The following METTL25 variants were observed in gnomAD, a reference collection of about 807,000 sequenced individuals.
METTL25 encodes the protein methyltransferase like 25, also known as probable methyltransferase-like protein 25.
In METTL25, 64 loss-of-function variants were observed where a neutral mutation model predicts 71.6. That is an observed-to-expected ratio of 0.89 (90% CI 0.73 to 1.10). The LOEUF (loss-of-function observed/expected upper bound fraction) is 1.10, where lower values mean the gene tolerates loss of function less well. METTL25 is among the 50% of genes least tolerant of loss of function. METTL25 has a pLI of 0.00. For synonymous variants in METTL25, 287 were observed against 250.3 expected, an observed-to-expected ratio of 1.15 and a Z score of -1.38; for missense variants, 807 against 707.0, an observed-to-expected ratio of 1.14 and a Z score of -1.60.
intron 2 of METTL25, among the ~76,000 whole-genome samples, chr12:82,387,731 A>ACT (rs1491058723): frequency 6.7e-6 from 1 of 150,056 alleles, no homozygotes; most frequent in Non-Finnish European, 1.5e-5. Flanking sequence ...ACACACACAC[A>ACT]CTCTTTTTCT....
chr12:82,451,463 C>T (rs1329170964), intron 8 of METTL25, among the ~76,000 whole-genome samples: 1 of 152,062 alleles, frequency 6.6e-6, no homozygotes, highest in Non-Finnish European at 1.5e-5. Context: ...CAGTACCTAC[C>T]TCAAAAGGGT....
At chr12:82,385,142 G>T (rs1884853099) in intron 1 of METTL25, among the ~76,000 whole-genome samples, 2 of 152,032 alleles carry the variant, frequency 1.3e-5, no homozygotes, top group Non-Finnish European at 2.9e-5. Flanking sequence ...GAAATGGAAG[G>T]TATATATATC....
intron 6 of METTL25, among the ~76,000 whole-genome samples, chr12:82,431,965 T>C (rs1278518538): frequency 6.6e-6 from 1 of 151,706 alleles, no homozygotes; most frequent in Non-Finnish European, 1.5e-5. Flanking sequence ...TGTATGAGTA[T>C]TCAAATTATA....
chr12:82,402,869 C>T (rs1886757308), intron 4 of METTL25, 114 bp from the exon 5 acceptor site: 1 of 694,184 alleles, frequency 1.4e-6, no homozygotes, highest in Non-Finnish European at 2.3e-6. Flanking sequence ...TGTGAATAGC[C>T]ACCACAGTGC....
intron 1 of METTL25, among the ~76,000 whole-genome samples, chr12:82,364,198 G>T (rs568006921): frequency 6.6e-6 from 1 of 152,332 alleles, no homozygotes; most frequent in South Asian, 2.1e-4. Flanking sequence ...CAAGAAGTTG[G>T]CTGGGGCTGT....
At position 82,358,595 on chromosome 12, in the gene METTL25, C is replaced by T; in HGVS notation, c.30C>T (p.Thr10=). MAASCPLPV[T]PDLPTLRAKL... The stretch of plus-strand genomic sequence containing the variant: ...CGGCTTCTTGCCCTCTCCCGGTGAC[C>T]CCGGACCTGCCCACGCTGCGTGCCA... Residue 10 remains threonine (T), a synonymous_variant, in exon 1 of 12, where the codon ACC becomes ACT. Transcript: ENST00000248306. The T allele has an allele frequency of 1.9e-6, 3 of 1,612,958 alleles. No homozygotes were observed. The highest frequency in any genetic ancestry group is 1.7e-5 in the Admixed American group (1 of 60,028).
At chr12:82,424,010 A>G (rs1888756191) in intron 5 of METTL25, among the ~76,000 whole-genome samples, 1 of 152,196 alleles carries the variant, frequency 6.6e-6, no homozygotes, top group Non-Finnish European at 1.5e-5. Context: ...TAGAAATACC[A>G]TTTGACCCAG....
intron 3 of METTL25, 75 bp from the exon 4 acceptor site, chr12:82,398,720 C>A (rs1886303723): frequency 9.6e-7 from 1 of 1,040,550 alleles, no homozygotes; most frequent in Non-Finnish European, 1.3e-6. Flanking sequence ...CATTTGTTTA[C>A]TTCAAAAAAT....
Position 82,458,789 on chromosome 12 carries a change from C to T in METTL25, c.1572+1969C>T, listed in dbSNP as rs553888089. On this transcript the variant is annotated intron_variant, in intron 9 of 11. Transcript: ENST00000248306. ...GCTAGTGTTTTGTCAGAGCCTAACTCACCTGAGGGAAGGAAAATACCTAGG... is the reference window on the plus strand; with the variant it reads ...GCTAGTGTTTTGTCAGAGCCTAACTTACCTGAGGGAAGGAAAATACCTAGG... 2.6e-5 allele frequency among the ~76,000 whole-genome samples: 4 copies of T among 152,274 alleles called. No homozygotes were observed. The East Asian group carries it at 7.7e-4, about 29-fold the overall frequency.
intron 5 of METTL25, among the ~76,000 whole-genome samples, chr12:82,416,467 A>G (rs2895913): frequency 0.92 from 133,263 of 144,886 alleles, 61,661 homozygotes; most frequent in East Asian, 1. Flanking sequence ...TTTTTGAGAC[A>G]GGGTCTCACT....
intron 9 of METTL25, among the ~76,000 whole-genome samples, chr12:82,467,879 A>G (rs1011324165): frequency 6.6e-6 from 1 of 152,016 alleles, no homozygotes; most frequent in African/African-American, 2.4e-5. Context: ...TATGTTTTCT[A>G]TACCCTTTTC....
chr12:82,413,586 A>T (rs976160417), intron 5 of METTL25, among the ~76,000 whole-genome samples: 1 of 151,994 alleles, frequency 6.6e-6, no homozygotes, highest in Non-Finnish European at 1.5e-5. Context: ...TGTGACCTGG[A>T]TCGGTTAGCT....
intron 10 of METTL25, 30 bp from the exon 11 acceptor site, chr12:82,477,251 C>T (rs2137322116): frequency 2.8e-6 from 3 of 1,055,828 alleles, no homozygotes; most frequent in East Asian, 5.0e-5. Flanking sequence ...TAAGTACCAC[C>T]AACCTACCTA....
At chr12:82,442,115 G>A (rs1226589071) in intron 8 of METTL25, among the ~76,000 whole-genome samples, 1 of 152,058 alleles carries the variant, frequency 6.6e-6, no homozygotes, top group Non-Finnish European at 1.5e-5. Context: ...TGGTATCAAG[G>A]AAGGCCTAGT....
chr12:82,417,269 G>A (rs1426326487), intron 5 of METTL25, among the ~76,000 whole-genome samples: 3 of 151,996 alleles, frequency 2.0e-5, no homozygotes, highest in Admixed American at 2.0e-4. Flanking sequence ...TTACTTTATT[G>A]TTTCAAAGCA....
chr12:82,454,618 A>G (rs987239492), intron 8 of METTL25, among the ~76,000 whole-genome samples: 2 of 152,024 alleles, frequency 1.3e-5, no homozygotes, highest in Non-Finnish European at 2.9e-5. Flanking sequence ...ATACTTTGCT[A>G]CAGTAAAAAG....
intron 8 of METTL25, among the ~76,000 whole-genome samples, chr12:82,442,103 G>T (rs576796065): frequency 6.6e-6 from 1 of 152,132 alleles, no homozygotes; most frequent in African/African-American, 2.4e-5. Context: ...TACTAGGGTG[G>T]TTGGTATCAA....
intron 9 of METTL25, chr12:82,476,270 C>A (rs1892872961): frequency 6.1e-6 from 1 of 163,650 alleles, no homozygotes; most frequent in Non-Finnish European, 1.3e-5. Flanking sequence ...GAATTTTGCT[C>A]AAAATGTCTT....
rs1244288836 is a variant in METTL25, at chr12:82,399,211, C to G, written c.948C>G (p.Asn316Lys). 2 of 1,613,264 alleles carry G rather than the reference C, an allele frequency of 1.2e-6. No individual in the cohort carries two copies. The highest frequency in any genetic ancestry group is 2.2e-5 in the East Asian group (1 of 44,776). Residue 316 changes from asparagine to lysine, a missense_variant, in exon 4 of 12, where the codon AAC becomes AAG. By Grantham distance (94) the Asn-to-Lys change is moderately conservative. Transcript: ENST00000248306. ...TTGAAAATTCCTTTTCTCTTATAAA[C>G]CTTTTGCCTATTAATGCTGTAGAGC... Reference protein sequence around the residue: ...LCFENSFSLINLLPINAVEPT... With the variant: ...LCFENSFSLIKLLPINAVEPT...
Sources: allele counts gnomAD v4.1 joint callset (sites outside exome capture counted in the v4.1 genomes callset), GRCh38; gene constraint gnomAD v4.1.1; transcripts MANE v1.5; gene names NCBI Gene and HGNC (gene_info 2026-07-23, HGNC 2026-07-21).